The following TNFRSF21 variants were observed in gnomAD, a reference collection of about 807,000 sequenced individuals.
TNFRSF21 encodes the protein TNF receptor superfamily member 21, also known as tumor necrosis factor receptor superfamily member 21.
A neutral mutation model predicts 45.6 loss-of-function variants in TNFRSF21; 19 were observed. That is an observed-to-expected ratio of 0.42 (90% CI 0.29 to 0.61). The LOEUF is 0.61. TNFRSF21 is among the 20% of genes least tolerant of loss of function. The probability of loss-of-function intolerance (pLI) is 0.23; values close to 1 mark genes in which losing one functional copy is unlikely to be tolerated. For synonymous variants in TNFRSF21, 314 were observed against 335.5 expected (o/e 0.94, Z 0.70); for missense variants, 737 against 851.5 (o/e 0.87, Z 1.67).
intron 1 of TNFRSF21, among the ~76,000 whole-genome samples, chr6:47,301,401 C>T (rs1232732443): frequency 6.6e-6 from 1 of 152,214 alleles, no homozygotes; most frequent in South Asian, 2.1e-4. Flanking sequence ...TTGACCAGGT[C>T]TGCAAGGTTT....
At chr6:47,243,700 G>A (rs181097308) in intron 4 of TNFRSF21, among the ~76,000 whole-genome samples, 2 of 152,250 alleles carry the variant, frequency 1.3e-5, no homozygotes, top group African/African-American at 2.4e-5. Flanking sequence ...TTATAGGTGT[G>A]AGCCACTGTG....
At chr6:47,301,575 G>T (rs576167703) in intron 1 of TNFRSF21, among the ~76,000 whole-genome samples, 2 of 152,190 alleles carry the variant, frequency 1.3e-5, no homozygotes, top group Non-Finnish European at 2.9e-5. Context: ...TCATGAGGTG[G>T]ATCTGTCATG....
At chr6:47,256,582 T>C (rs576492374) in intron 3 of TNFRSF21, among the ~76,000 whole-genome samples, 17 of 152,332 alleles carry the variant, frequency 1.1e-4, no homozygotes, top group African/African-American at 4.1e-4. Context: ...GTCATTACTG[T>C]ACTTCTCACA....
intron 4 of TNFRSF21, among the ~76,000 whole-genome samples, chr6:47,241,096 A>G (rs981078316): frequency 6.6e-6 from 1 of 152,214 alleles, no homozygotes; most frequent in Non-Finnish European, 1.5e-5. Context: ...AAAAAAAGGC[A>G]TATTTTCTTT....
chr6:47,295,041 T>C (rs1365409242), intron 1 of TNFRSF21, among the ~76,000 whole-genome samples: 4 of 152,212 alleles, frequency 2.6e-5, no homozygotes, highest in African/African-American at 7.2e-5. Flanking sequence ...ATAAGCACTA[T>C]AAATGCCTAC....
At chr6:47,255,227 T>C (rs1020635221) in intron 3 of TNFRSF21, among the ~76,000 whole-genome samples, 25 of 152,098 alleles carry the variant, frequency 1.6e-4, no homozygotes, top group African/African-American at 3.1e-4. Flanking sequence ...AAAAATCAAA[T>C]CTCAAGATCC....
At chr6:47,246,390 C>T (rs1764825724) in intron 4 of TNFRSF21, among the ~76,000 whole-genome samples, 1 of 152,224 alleles carries the variant, frequency 6.6e-6, no homozygotes, top group South Asian at 2.1e-4. Context: ...ACACTCACCT[C>T]TATTTCTCAG....
intron 3 of TNFRSF21, among the ~76,000 whole-genome samples, chr6:47,257,422 C>T (rs1765003939): frequency 6.6e-6 from 1 of 152,216 alleles, no homozygotes. Context: ...TCCTCTCCCA[C>T]CGTGGAGTTG....
At chr6:47,262,066 T>G (rs1391536139) in intron 3 of TNFRSF21, among the ~76,000 whole-genome samples, 1 of 152,178 alleles carries the variant, frequency 6.6e-6, no homozygotes. Context: ...GAAGCAGAAT[T>G]TATCACTATC....
At chr6:47,248,697 T>A (rs1050207617) in intron 4 of TNFRSF21, among the ~76,000 whole-genome samples, 1 of 152,228 alleles carries the variant, frequency 6.6e-6, no homozygotes, top group Non-Finnish European at 1.5e-5. Flanking sequence ...TGAACCCAGA[T>A]AGCACTTCCT....
intron 3 of TNFRSF21, among the ~76,000 whole-genome samples, chr6:47,272,477 G>A (rs2113858645): frequency 6.6e-6 from 1 of 152,244 alleles, no homozygotes; most frequent in South Asian, 2.1e-4. Context: ...TGAGAACAAA[G>A]ACACAACGTA....
At chr6:47,277,105 A>C (rs1762510734) in intron 3 of TNFRSF21, among the ~76,000 whole-genome samples, 1 of 152,086 alleles carries the variant, frequency 6.6e-6, no homozygotes, top group South Asian at 2.1e-4. Flanking sequence ...GTGATTCCCC[A>C]GCCTCAGCCT....
At chr6:47,261,382 T>C (rs778181431) in intron 3 of TNFRSF21, among the ~76,000 whole-genome samples, 13 of 152,130 alleles carry the variant, frequency 8.5e-5, no homozygotes, top group Non-Finnish European at 1.9e-4. Flanking sequence ...ACCACAAATA[T>C]CTTTGGATAA....
At chr6:47,278,238 A>T (rs951375168) in intron 3 of TNFRSF21, among the ~76,000 whole-genome samples, 3 of 152,192 alleles carry the variant, frequency 2.0e-5, no homozygotes, top group Non-Finnish European at 4.4e-5. Flanking sequence ...CTATGTTTAA[A>T]TCCCTAACAC....
intron 1 of TNFRSF21, among the ~76,000 whole-genome samples, chr6:47,289,976 AGAGT>A (rs1227188947): frequency 1.3e-5 from 2 of 152,178 alleles, no homozygotes; most frequent in Admixed American, 6.5e-5. Flanking sequence ...CCTGGGCGAC[AGAGT>A]GAGACTCCAT....
intron 5 of TNFRSF21, 111 bp downstream of exon 5, chr6:47,234,559 T>G: frequency 1.2e-6 from 1 of 867,952 alleles, no homozygotes; most frequent in Non-Finnish European, 1.8e-6. Context: ...GGCAGGTAAT[T>G]CAGATGACTC....
chr6:47,240,712 T>C (rs1361081399), intron 4 of TNFRSF21, among the ~76,000 whole-genome samples: 1 of 152,188 alleles, frequency 6.6e-6, no homozygotes, highest in African/African-American at 2.4e-5. Context: ...GAGGTTGAGA[T>C]CTGCAAGTAC....
At chr6:47,268,928 C>T (rs1394797094) in intron 3 of TNFRSF21, among the ~76,000 whole-genome samples, 1 of 152,204 alleles carries the variant, frequency 6.6e-6, no homozygotes, top group Non-Finnish European at 1.5e-5. Flanking sequence ...TGTGTTTTCT[C>T]ATTCAAGAAA....
At chr6:47,288,552 A>G (rs1762679041) in intron 1 of TNFRSF21, among the ~76,000 whole-genome samples, 1 of 150,936 alleles carries the variant, frequency 6.6e-6, no homozygotes, top group Non-Finnish European at 1.5e-5. Flanking sequence ...ATAAATAAAA[A>G]TAAAGCGGTA....
Sources: gnomAD v4.1 joint callset for allele counts (sites outside exome capture counted in the v4.1 genomes callset) on GRCh38, gnomAD v4.1.1 for gene constraint, MANE v1.5 for transcripts, NCBI Gene and HGNC (gene_info 2026-07-23, HGNC 2026-07-21) for gene names.